Variants in GRIK4 observed in about 807,000 individuals in gnomAD.
GRIK4 encodes the protein glutamate ionotropic receptor kainate type subunit 4.
GRIK4 carries 40 observed loss-of-function variants against 104.9 expected under a neutral mutation model. That is an observed-to-expected ratio of 0.38 (90% CI 0.30 to 0.50). The LOEUF (loss-of-function observed/expected upper bound fraction) is 0.50, where lower values mean the gene tolerates loss of function less well. GRIK4 is among the 20% of genes least tolerant of loss of function. GRIK4 has a pLI of 0.93. For synonymous variants in GRIK4, 485 were observed against 524.9 expected, an observed-to-expected ratio of 0.92 and a Z score of 1.04; for missense variants, 1,047 against 1,308.1, an observed-to-expected ratio of 0.80 and a Z score of 3.08.
intron 4 of GRIK4, among the ~76,000 whole-genome samples, chr11:120,807,354 A>G (rs1952733877): frequency 6.6e-6 from 1 of 152,170 alleles, no homozygotes; most frequent in Non-Finnish European, 1.5e-5. Context: ...GCAGACCCAG[A>G]AGCAGGGGCT....
At chr11:120,536,561 G>A (rs1046713425) in intron 1 of GRIK4, among the ~76,000 whole-genome samples, 6 of 152,144 alleles carry the variant, frequency 3.9e-5, no homozygotes, top group African/African-American at 1.2e-4. Flanking sequence ...TCAGGTACTC[G>A]CTTAGTCACG....
intron 3 of GRIK4, among the ~76,000 whole-genome samples, chr11:120,795,270 AG>A (rs1273480383): frequency 6.6e-6 from 1 of 152,130 alleles, no homozygotes; most frequent in Non-Finnish European, 1.5e-5. Flanking sequence ...TTCCAACCTG[AG>A]GGGTCACTTC....
At position 120,983,261 on chromosome 11, in the gene GRIK4, T is replaced by G. The variant is rs141198415; in HGVS notation, c.2514+1037T>G. ...ACGTGTCTGCCATATTTCAAAATAA[T>G]AGGAAGATTACTGTTGCTCTTGCTC... On this transcript the variant is annotated intron_variant, in intron 20 of 20. Coordinates refer to ENST00000527524, the MANE Select transcript of GRIK4 (RefSeq NM_014619.5). 5.3e-3 allele frequency among the ~76,000 whole-genome samples: 810 copies of G among 152,282 alleles called. 8 individuals are homozygous for G. Among genetic ancestry groups the G allele is most frequent in the African/African-American group, 0.018 (766 of 41,524 alleles).
chr11:120,890,052 G>A (rs1592044976), intron 11 of GRIK4, among the ~76,000 whole-genome samples: 1 of 152,080 alleles, frequency 6.6e-6, no homozygotes, highest in African/African-American at 2.4e-5. Flanking sequence ...GTTGGAGGGT[G>A]GAACTTGAAC....
chr11:120,668,681 GA>G (rs1361773975), intron 3 of GRIK4, among the ~76,000 whole-genome samples: 3 of 152,194 alleles, frequency 2.0e-5, no homozygotes, highest in African/African-American at 7.2e-5. Context: ...GTGTTGTGGG[GA>G]AACACTGGAG....
chr11:120,654,633 G>C (rs890638861), intron 2 of GRIK4, among the ~76,000 whole-genome samples: 4 of 152,130 alleles, frequency 2.6e-5, no homozygotes, highest in African/African-American at 4.8e-5. Context: ...AAAGTGCTGG[G>C]ATTACAGGTG....
At chr11:120,798,198 C>T (rs944070894) in intron 3 of GRIK4, among the ~76,000 whole-genome samples, 3 of 113,154 alleles carry the variant, frequency 2.7e-5, no homozygotes, top group Non-Finnish European at 3.4e-5. Flanking sequence ...TGGAGTCTTG[C>T]CCTGTTGTCG....
chr11:120,824,473 G>A (rs1240186064), intron 6 of GRIK4, among the ~76,000 whole-genome samples: 1 of 151,784 alleles, frequency 6.6e-6, no homozygotes, highest in Non-Finnish European at 1.5e-5. Context: ...GAAGCCACAG[G>A]TATAACATGC....
intron 3 of GRIK4, among the ~76,000 whole-genome samples, chr11:120,775,472 C>G (rs1952025054): frequency 6.6e-6 from 1 of 152,158 alleles, no homozygotes; most frequent in South Asian, 2.1e-4. Flanking sequence ...CCTTACAGGG[C>G]TATCTTAGGA....
intron 2 of GRIK4, among the ~76,000 whole-genome samples, chr11:120,656,024 C>T (rs1949704769): frequency 6.6e-6 from 1 of 152,130 alleles, no homozygotes; most frequent in Non-Finnish European, 1.5e-5. Flanking sequence ...AGGGGAGAAA[C>T]CCCCCATGGA....
chr11:120,782,502 G>A (rs1442839734), intron 3 of GRIK4, among the ~76,000 whole-genome samples: 1 of 152,108 alleles, frequency 6.6e-6, no homozygotes, highest in Non-Finnish European at 1.5e-5. Flanking sequence ...AGCCAGGATG[G>A]TCTCGATCTC....
At chr11:120,728,970 A>G (rs919335348) in intron 3 of GRIK4, among the ~76,000 whole-genome samples, 1 of 152,014 alleles carries the variant, frequency 6.6e-6, no homozygotes, top group African/African-American at 2.4e-5. Context: ...CATGAGTTCA[A>G]TTGTTTTGAT....
chr11:120,959,734 T>C (rs1944247422), intron 16 of GRIK4, among the ~76,000 whole-genome samples: 1 of 152,274 alleles, frequency 6.6e-6, no homozygotes, highest in Non-Finnish European at 1.5e-5. Flanking sequence ...AGTAAAACAA[T>C]CTTCTAATTT....
intron 3 of GRIK4, among the ~76,000 whole-genome samples, chr11:120,663,794 C>T (rs1949858439): frequency 6.6e-6 from 1 of 152,172 alleles, no homozygotes; most frequent in Non-Finnish European, 1.5e-5. Flanking sequence ...CCAGCTCCTC[C>T]TTCTACTCCT....
intron 1 of GRIK4, among the ~76,000 whole-genome samples, chr11:120,597,370 C>G (rs1208400921): frequency 6.6e-6 from 1 of 152,234 alleles, no homozygotes; most frequent in African/African-American, 2.4e-5. Context: ...AAGCACCCCT[C>G]TTGGGGCTGC....
At chr11:120,639,105 G>A (rs187829719) in intron 1 of GRIK4, among the ~76,000 whole-genome samples, 1 of 152,200 alleles carries the variant, frequency 6.6e-6, no homozygotes, top group African/African-American at 2.4e-5. Flanking sequence ...GGAGGCAGGA[G>A]AATTGCCTGA....
intron 5 of GRIK4, among the ~76,000 whole-genome samples, chr11:120,817,855 T>G (rs1166647101): frequency 6.6e-6 from 1 of 152,174 alleles, no homozygotes; most frequent in Non-Finnish European, 1.5e-5. Context: ...TTGCGGGAGC[T>G]CCTACATTTG....
chr11:120,669,019 GC>G (rs1421070508), intron 3 of GRIK4, among the ~76,000 whole-genome samples: 2 of 152,140 alleles, frequency 1.3e-5, no homozygotes, highest in Non-Finnish European at 2.9e-5. Flanking sequence ...GCCTTTGCCT[GC>G]CCGGATCACC....
chr11:120,818,267 G>A (rs566746362), intron 5 of GRIK4, among the ~76,000 whole-genome samples: 20 of 152,182 alleles, frequency 1.3e-4, no homozygotes, highest in Non-Finnish European at 2.6e-4. Context: ...GTGTTCAAAC[G>A]TTCAAACCAG....
Sources: allele counts gnomAD v4.1 joint callset (sites outside exome capture counted in the v4.1 genomes callset), GRCh38; gene constraint gnomAD v4.1.1; transcripts MANE v1.5; gene names NCBI Gene and HGNC (gene_info 2026-07-23, HGNC 2026-07-21).